TBCA: variants seen among roughly 807,000 people sequenced by gnomAD.
TBCA encodes tubulin folding cofactor A, also known as tubulin-specific chaperone A.
A neutral mutation model predicts 15.8 loss-of-function variants in TBCA; 6 were observed. The ratio of observed to expected loss-of-function variants is 0.38; its 90% CI spans 0.21 to 0.75. TBCA has a LOEUF of 0.75. Among genes scored for constraint, TBCA ranks in the 30% least tolerant of loss-of-function variants. The pLI is 0.46. For missense variants in TBCA, 90 were observed against 131.2 expected, an observed-to-expected ratio of 0.69 and a Z score of 1.53; for synonymous variants, 32 against 42.3, an observed-to-expected ratio of 0.76 and a Z score of 0.94.
chr5:77,705,818 G>T (rs1374786943), intron 2 of TBCA, among the ~76,000 whole-genome samples: 1 of 152,052 alleles, frequency 6.6e-6, no homozygotes, highest in Admixed American at 6.5e-5. Flanking sequence ...GCATCACAGA[G>T]AGATCCCACT....
At chr5:77,721,565 T>C (rs1462688662) in intron 1 of TBCA, among the ~76,000 whole-genome samples, 1 of 152,122 alleles carries the variant, frequency 6.6e-6, no homozygotes, top group Non-Finnish European at 1.5e-5. Flanking sequence ...ACTGATTTGG[T>C]ATATGTTAAA....
At chr5:77,730,868 C>T (rs1316445930) in intron 1 of TBCA, among the ~76,000 whole-genome samples, 2 of 152,130 alleles carry the variant, frequency 1.3e-5, no homozygotes, top group African/African-American at 2.4e-5. Flanking sequence ...AGAAGTTTTT[C>T]TATGTTAATA....
intron 1 of TBCA, among the ~76,000 whole-genome samples, chr5:77,731,228 A>T (rs1746759572): frequency 6.6e-6 from 1 of 152,210 alleles, no homozygotes; most frequent in Non-Finnish European, 1.5e-5. Flanking sequence ...CCCATTGTAT[A>T]GGTGACTAAT....
At chr5:77,721,069 A>C (rs1411195511) in intron 1 of TBCA, among the ~76,000 whole-genome samples, 1 of 152,216 alleles carries the variant, frequency 6.6e-6, no homozygotes, top group Non-Finnish European at 1.5e-5. Context: ...TGGGTGAAGA[A>C]AATTTGGATG....
chr5:77,717,981 T>G (rs965112054), intron 1 of TBCA, among the ~76,000 whole-genome samples: 1 of 150,448 alleles, frequency 6.6e-6, no homozygotes, highest in African/African-American at 2.5e-5. Context: ...AAATACAAAA[T>G]TAGCCAGGCG....
chr5:77,716,734 C>T lies in TBCA; in HGVS notation c.54-8387G>A, dbSNP rs564992220. Among the ~76,000 whole-genome samples the T allele has an allele frequency of 2.0e-5, 3 of 152,282 alleles. No individual in the cohort carries two copies. The East Asian group carries it at 5.8e-4, about 29-fold the overall frequency. The stretch of plus-strand genomic sequence containing the variant: ...TTTAAGTAATTCTCAAACATTTGAA[C>T]ATAAAAGTCTAAATGTGTTCAATTA... On this transcript the variant is annotated intron_variant, in intron 1 of 3. Coordinates refer to ENST00000380377, the MANE Select transcript of TBCA (RefSeq NM_004607.3).
At chr5:77,703,923 G>T (rs1369447042) in intron 2 of TBCA, among the ~76,000 whole-genome samples, 4 of 127,334 alleles carry the variant, frequency 3.1e-5, no homozygotes. Context: ...CTCTGATAGT[G>T]AGTGAGTTCT....
intron 1 of TBCA, among the ~76,000 whole-genome samples, chr5:77,733,312 C>T (rs775123791): frequency 6.6e-6 from 1 of 152,162 alleles, no homozygotes. Flanking sequence ...AATGATTAAG[C>T]TCAGTGGGAA....
At chr5:77,718,217 C>A (rs750295713) in intron 1 of TBCA, among the ~76,000 whole-genome samples, 2 of 152,190 alleles carry the variant, frequency 1.3e-5, no homozygotes, top group Non-Finnish European at 1.5e-5. Context: ...AATAATATTA[C>A]CTTCTATCTA....
At chr5:77,751,185 GAC>G (rs1356453634) in intron 1 of TBCA, among the ~76,000 whole-genome samples, 2 of 91,978 alleles carry the variant, frequency 2.2e-5, no homozygotes, top group Non-Finnish European at 2.0e-5. Flanking sequence ...TTTTTTTTGA[GAC>G]ACAGTTTCGC....
chr5:77,724,460 T>C (rs1431429744), intron 1 of TBCA, among the ~76,000 whole-genome samples: 1 of 152,076 alleles, frequency 6.6e-6, no homozygotes. Flanking sequence ...AAAGCAAATA[T>C]TTAAATTTTA....
chr5:77,726,116 T>C (rs144706861), intron 1 of TBCA, among the ~76,000 whole-genome samples: 1 of 152,310 alleles, frequency 6.6e-6, no homozygotes, highest in Non-Finnish European at 1.5e-5. Flanking sequence ...AAAACTAAAT[T>C]ACTGTTGTCA....
At chr5:77,753,175 T>C (rs1010067436) in intron 1 of TBCA, among the ~76,000 whole-genome samples, 4 of 152,190 alleles carry the variant, frequency 2.6e-5, no homozygotes, top group African/African-American at 9.7e-5. Context: ...TAACAAAACA[T>C]GACCTTAAGA....
chr5:77,696,657 T>C (rs1429927743), intron 2 of TBCA, among the ~76,000 whole-genome samples: 1 of 152,192 alleles, frequency 6.6e-6, no homozygotes, highest in Middle Eastern at 3.2e-3. Context: ...TGGTGGCCCA[T>C]TCCTATATAA....
chr5:77,714,713 C>A (rs1017978266), intron 1 of TBCA, among the ~76,000 whole-genome samples: 1 of 151,998 alleles, frequency 6.6e-6, no homozygotes, highest in Non-Finnish European at 1.5e-5. Flanking sequence ...ACTACAGGCA[C>A]CTGCCACCAC....
At chr5:77,775,889 C>A (rs1186913177) in intron 1 of TBCA, among the ~76,000 whole-genome samples, 1 of 152,220 alleles carries the variant, frequency 6.6e-6, no homozygotes, top group Non-Finnish European at 1.5e-5. Context: ...GGATCAGGGC[C>A]CGGCCCGCCC....
rs188547143 is a variant in TBCA at position 77,709,400 on chromosome 5, G to A, written c.54-1053C>T. Among the ~76,000 whole-genome samples the A allele has an allele frequency of 9.9e-5, 15 of 152,150 alleles. No homozygotes were observed. In the East Asian group the frequency reaches 2.9e-3, roughly 29 times the overall value. Reference sequence around the variant, plus strand: ...AATAGCTCAATCTTCCCTAATTCTGGTTGTTTAAAGTTGTAATATAAAAGT... The same window carrying A: ...AATAGCTCAATCTTCCCTAATTCTGATTGTTTAAAGTTGTAATATAAAAGT... On this transcript the variant is annotated intron_variant, in intron 1 of 3. Transcript: ENST00000380377.
chr5:77,754,046 G>A (rs1416927017), intron 1 of TBCA, among the ~76,000 whole-genome samples: 4 of 152,120 alleles, frequency 2.6e-5, no homozygotes, highest in African/African-American at 7.2e-5. Context: ...GTGAGCCACT[G>A]CCCCCAGCCA....
At chr5:77,699,409 A>G (rs953441122) in intron 2 of TBCA, among the ~76,000 whole-genome samples, 8 of 152,234 alleles carry the variant, frequency 5.3e-5, no homozygotes, top group African/African-American at 1.9e-4. Flanking sequence ...GAACCAGAAG[A>G]GAGAACACAA....
Sources: allele counts gnomAD v4.1 joint callset (sites outside exome capture counted in the v4.1 genomes callset), GRCh38; gene constraint gnomAD v4.1.1; transcripts MANE v1.5; gene names NCBI Gene and HGNC (gene_info 2026-07-23, HGNC 2026-07-21).